Variants in LEPROTL1 observed in about 807,000 individuals in gnomAD.
LEPROTL1 encodes the protein leptin receptor overlapping transcript-like 1.
In LEPROTL1, 6 loss-of-function variants were observed where a neutral mutation model predicts 15.4. The ratio of observed to expected loss-of-function variants is 0.39; its 90% confidence interval spans 0.21 to 0.77. The LOEUF (loss-of-function observed/expected upper bound fraction) is 0.77. LEPROTL1 is among the 30% of genes least tolerant of loss of function. The pLI, the probability that LEPROTL1 is intolerant of heterozygous loss-of-function variation, is 0.41. For missense variants in LEPROTL1, 128 were observed against 158.1 expected (o/e 0.81, Z 1.02); for synonymous variants, 56 against 52.6 (o/e 1.06, Z -0.28).
intron 4 of LEPROTL1, among the ~76,000 whole-genome samples, chr8:30,136,836 C>T (rs1423614798): frequency 3.3e-5 from 5 of 151,710 alleles, no homozygotes; most frequent in East Asian, 1.9e-4. Context: ...TCCAGGCGTC[C>T]GCCACTATGC....
chr8:30,099,630 CA>C (rs1802430568), intron 1 of LEPROTL1, among the ~76,000 whole-genome samples: 1 of 128,264 alleles, frequency 7.8e-6, no homozygotes, highest in Non-Finnish European at 1.7e-5. Flanking sequence ...AAAAAACCAG[CA>C]AAAAAACACT....
chr8:30,098,120 C>T (rs1447661689), intron 1 of LEPROTL1, among the ~76,000 whole-genome samples: 1 of 152,074 alleles, frequency 6.6e-6, no homozygotes. Flanking sequence ...GTTGTTTCCT[C>T]CCTCCTGTCA....
chr8:30,095,470 C>A lies in LEPROTL1; in HGVS notation c.-43C>A, dbSNP rs939958127. The A allele has an allele frequency of 1.4e-6, 2 of 1,462,056 alleles. No individual in the cohort carries two copies. Among genetic ancestry groups the A allele is most frequent in the East Asian group, 3.1e-5 (1 of 32,774 alleles). The allele number at this position is 1,462,056 out of a possible 1,614,324, so 90.6% of individuals were successfully genotyped here. A position where few individuals can be genotyped will look rare whatever the true frequency, so the allele number is the denominator to read the frequency against. ...TGGGTCTCCCGGCTGCCGCTGCTGC[C>A]GCCGCCGCCTCGGGTCGTGGAGCCA... On this transcript the variant is annotated 5_prime_UTR_variant, in exon 1 of 4. Coordinates refer to ENST00000321250, the MANE Select transcript of LEPROTL1 (RefSeq NM_015344.3).
rs370963270 is a variant in LEPROTL1, at chr8:30,130,253, G to GT, written c.280-2113dup. On this transcript the variant is annotated intron_variant, in intron 3 of 4. Transcript: ENST00000442880. ...TACACAGAACACAAATACAAAGTTT[G>GT]TTTTTTTTTATTTGAACAAGCATGT... Among the ~76,000 whole-genome samples the GT allele has an allele frequency of 4.0e-5, 6 of 151,520 alleles. No homozygotes were observed. In the East Asian group the frequency reaches 7.7e-4, roughly 20 times the overall value.
chr8:30,116,876 A>C (rs1389984879), intron 3 of LEPROTL1, among the ~76,000 whole-genome samples: 1 of 152,184 alleles, frequency 6.6e-6, no homozygotes, highest in African/African-American at 2.4e-5. Context: ...AGGGAGGGAC[A>C]ATCTTGTGGG....
chr8:30,100,849 CTGTGTGTG>C (rs113757454), intron 1 of LEPROTL1, among the ~76,000 whole-genome samples: 2 of 150,748 alleles, frequency 1.3e-5, no homozygotes, highest in South Asian at 2.1e-4. Flanking sequence ...AAATGTACTG[CTGTGTGTG>C]TGTGTGTGTG....
rs576519289 is a variant in LEPROTL1 at position 30,106,712 on chromosome 8, C to T, written c.*850C>T. Reference sequence around the variant, plus strand: ...TCTATTTATAAGTGAAATTTGTGATCTCCTATCAACCTTTCATGTTTTACC... The same window carrying T: ...TCTATTTATAAGTGAAATTTGTGATTTCCTATCAACCTTTCATGTTTTACC... On this transcript the variant is annotated 3_prime_UTR_variant, in exon 4 of 4. Coordinates refer to ENST00000321250, the MANE Select transcript of LEPROTL1 (RefSeq NM_015344.3). The T allele has an allele frequency of 1.4e-3, 1,395 of 984,808 alleles. No homozygotes were observed. The highest frequency in any genetic ancestry group is 1.6e-3 in the Non-Finnish European group (1,310 of 829,056). 61.0% of individuals were successfully genotyped at this position (984,808 alleles called of 1,614,324 possible). A position where few individuals can be genotyped will look rare whatever the true frequency, so the allele number is the denominator to read the frequency against.
At chr8:30,135,913 G>GAAAA (rs36032566) in intron 4 of LEPROTL1, among the ~76,000 whole-genome samples, 4 of 128,890 alleles carry the variant, frequency 3.1e-5, no homozygotes, top group Non-Finnish European at 4.8e-5. Flanking sequence ...GACCTTGTCT[G>GAAAA]AAAAAAAAAA....
intron 2 of LEPROTL1, among the ~76,000 whole-genome samples, chr8:30,102,493 A>G (rs1802484498): frequency 6.6e-6 from 1 of 151,954 alleles, no homozygotes; most frequent in East Asian, 1.9e-4. Context: ...TCTACTAAAA[A>G]TACAAAAAAA....
chr8:30,126,322 T>C lies in LEPROTL1; in HGVS notation c.280-6053T>C, dbSNP rs546944812. On this transcript the variant is annotated intron_variant, in intron 3 of 4. Coordinates refer to the LEPROTL1 transcript ENST00000442880. ...TGACAAAATAGCCTAACAATGCATC[T>C]TTCAGAATGTGTCCCCATATTAAGT... 5.9e-5 allele frequency among the ~76,000 whole-genome samples: 9 copies of C among 152,314 alleles called. No individual in the cohort carries two copies. In the South Asian group the frequency reaches 1.9e-3, roughly 32 times the overall value.
intron 3 of LEPROTL1, chr8:30,117,729 G>A (rs1585472872): frequency 1.5e-5 from 17 of 1,113,888 alleles, no homozygotes; most frequent in South Asian, 6.2e-5. Context: ...CTCTCTTTTC[G>A]GCATTGTTGA....
chr8:30,119,294 A>G lies in LEPROTL1; in HGVS notation c.280-13081A>G, dbSNP rs553876483. 3.3e-5 allele frequency among the ~76,000 whole-genome samples: 5 copies of G among 152,336 alleles called. No homozygotes were observed. In the South Asian group the frequency reaches 1.0e-3, roughly 32 times the overall value. On this transcript the variant is annotated intron_variant, in intron 3 of 4. Transcript: ENST00000442880. ...GATTAACAGCATCTCAGGGCAAAGC[A>G]GTTGTTCAGGGTACAGGTCAAAATG...
chr8:30,137,380 C>T (rs1803171427), exon 5 of LEPROTL1: 7 of 1,551,696 alleles, frequency 4.5e-6, no homozygotes, highest in Non-Finnish European at 6.1e-6. Flanking sequence ...AAGATTGTTA[C>T]CTGCAAGCAG....
chr8:30,132,830 T>G, intron 4 of LEPROTL1: 1 of 1,551,628 alleles, frequency 6.4e-7, no homozygotes, highest in Non-Finnish European at 8.7e-7. Flanking sequence ...GCCTTCACTT[T>G]CCCCTCACAA....
At chr8:30,096,228 CT>C in intron 1 of LEPROTL1, 2 of 883,746 alleles carry the variant, frequency 2.3e-6, no homozygotes, top group Non-Finnish European at 2.7e-6. Flanking sequence ...AGATAAAATA[CT>C]GGTACAACTT....
At chr8:30,127,087 G>A (rs948038403) in intron 3 of LEPROTL1, among the ~76,000 whole-genome samples, 1 of 152,014 alleles carries the variant, frequency 6.6e-6, no homozygotes, top group Non-Finnish European at 1.5e-5. Context: ...GATGACCTGA[G>A]TTCTCATGAC....
rs1802563455 is a variant in LEPROTL1 at position 30,106,159 on chromosome 8, T to C, written c.*297T>C. On this transcript the variant is annotated 3_prime_UTR_variant, in exon 4 of 4. Transcript: ENST00000321250. ...GTTTTTCCTGTTAGGTTGATTTTTT[T>C]TGGAATCAATATGCAATGTTAAACA... is the stretch of plus-strand genomic sequence containing the variant. The C allele has an allele frequency of 3.0e-6, 3 of 996,948 alleles. No homozygotes were observed. The highest frequency in any genetic ancestry group is 3.6e-6 in the Non-Finnish European group (3 of 837,142). The allele number at this position is 996,948 out of a possible 1,614,324, so 61.8% of individuals were successfully genotyped here.
chr8:30,117,533 C>G, intron 3 of LEPROTL1: 1 of 1,304,628 alleles, frequency 7.7e-7, no homozygotes, highest in Non-Finnish European at 1.1e-6. Context: ...CTTTGAGTTG[C>G]ACATCAAATC....
At chr8:30,131,856 A>C (rs1803021277) in intron 3 of LEPROTL1, 1 of 1,432,178 alleles carries the variant, frequency 7.0e-7, no homozygotes, top group Non-Finnish European at 9.2e-7. Context: ...TATTATGGAA[A>C]AGTTCAAATG....
Sources: gnomAD v4.1 joint callset for allele counts (sites outside exome capture counted in the v4.1 genomes callset) on GRCh38, gnomAD v4.1.1 for gene constraint, MANE v1.5 for transcripts, NCBI Gene and HGNC (gene_info 2026-07-23, HGNC 2026-07-21) for gene names.